DLC1: variants seen among roughly 807,000 people sequenced by gnomAD.
The protein encoded by DLC1 is DLC1 Rho GTPase activating protein, also known as rho GTPase-activating protein 7.
A neutral mutation model predicts 140.3 loss-of-function variants in DLC1; 54 were observed. The observed-to-expected ratio is 0.38, with a 90% CI of 0.31 to 0.48. DLC1 has a LOEUF of 0.48. Among genes scored for constraint, DLC1 ranks in the 20% least tolerant of loss-of-function variants. The pLI, the probability that DLC1 is intolerant of heterozygous loss-of-function variation, is 0.96. For synonymous variants in DLC1, 986 were observed against 728.1 expected (o/e 1.35, Z -5.70); for missense variants, 2,536 against 1,907.0 (o/e 1.33, Z -6.14).
At chr8:13,188,232 C>A (rs553294687) in intron 5 of DLC1, among the ~76,000 whole-genome samples, 1 of 151,482 alleles carries the variant, frequency 6.6e-6, no homozygotes, top group African/African-American at 2.4e-5. Flanking sequence ...CAGGTGCCGG[C>A]CACCATGCCC....
At chr8:13,089,137 T>G (rs1817823836) in intron 15 of DLC1, among the ~76,000 whole-genome samples, 2 of 151,796 alleles carry the variant, frequency 1.3e-5, no homozygotes, top group Non-Finnish European at 2.9e-5. Context: ...CAGGCACCTG[T>G]AAGTCCAGCT....
intron 2 of DLC1, among the ~76,000 whole-genome samples, chr8:13,435,844 A>G (rs367688078): frequency 1.3e-5 from 2 of 152,218 alleles, no homozygotes; most frequent in Non-Finnish European, 2.9e-5. Flanking sequence ...TGTGAAAGGA[A>G]GAGTCTATCA....
chr8:13,451,977 A>G (rs1799082653), intron 2 of DLC1, among the ~76,000 whole-genome samples: 1 of 152,114 alleles, frequency 6.6e-6, no homozygotes, highest in Non-Finnish European at 1.5e-5. Context: ...ACTAATTTCC[A>G]TGAACACCAA....
At chr8:13,209,105 T>A (rs1257755364) in intron 5 of DLC1, among the ~76,000 whole-genome samples, 1 of 152,178 alleles carries the variant, frequency 6.6e-6, no homozygotes, top group East Asian at 1.9e-4. Context: ...AACAAATACT[T>A]CCTTGATAAA....
chr8:13,559,350 A>G (rs967878332), intron 1 of DLC1: 1 of 152,248 alleles, frequency 6.6e-6, no homozygotes, highest in Non-Finnish European at 1.5e-5. Flanking sequence ...ACAGTCTTGC[A>G]TTCTTCAGTG....
chr8:13,085,704 T>C lies in DLC1; in HGVS notation c.*107A>G, dbSNP rs1317658377. 8 of 1,512,850 alleles carry C rather than the reference T, an allele frequency of 5.3e-6. No homozygotes were observed. The highest frequency in any genetic ancestry group is 1.4e-5 in the African/African-American group (1 of 71,454). 93.7% of individuals were successfully genotyped at this position (1,512,850 alleles called of 1,614,324 possible). A position where few individuals can be genotyped will look rare whatever the true frequency, so the allele number is the denominator to read the frequency against. On this transcript the variant is annotated 3_prime_UTR_variant, in exon 18 of 18. Coordinates refer to ENST00000276297, the MANE Select transcript of DLC1 (RefSeq NM_182643.3). ...TAGTCAATTCCTACACTCCAGCTTG[T>C]AGTTTTCTTTGTTTCAGGATTAGAC...
intron 2 of DLC1, among the ~76,000 whole-genome samples, chr8:13,420,976 C>A (rs572533210): frequency 8.5e-5 from 13 of 152,132 alleles, no homozygotes; most frequent in Non-Finnish European, 1.9e-4. Context: ...TTCTCTAAAC[C>A]CCTTACAGAT....
intron 5 of DLC1, among the ~76,000 whole-genome samples, chr8:13,142,296 T>A (rs1823063327): frequency 6.6e-6 from 1 of 152,246 alleles, no homozygotes; most frequent in Admixed American, 6.5e-5. Context: ...TGTGAAAGAC[T>A]AATATTTGAG....
chr8:13,587,134 T>G (rs879892695), intron 1 of DLC1, among the ~76,000 whole-genome samples: 1 of 148,944 alleles, frequency 6.7e-6, no homozygotes, highest in Non-Finnish European at 1.5e-5. Flanking sequence ...CCACAGATGG[T>G]GGCACATATA....
chr8:13,326,026 G>C (rs568282355), intron 4 of DLC1, among the ~76,000 whole-genome samples: 2 of 64,530 alleles, frequency 3.1e-5, no homozygotes, highest in African/African-American at 8.7e-5. Flanking sequence ...GCGCTATTTG[G>C]TTTTTCTTAT....
At chr8:13,455,541 A>T (rs1344386080) in intron 2 of DLC1, among the ~76,000 whole-genome samples, 1 of 152,062 alleles carries the variant, frequency 6.6e-6, no homozygotes, top group Non-Finnish European at 1.5e-5. Context: ...AAGACTCTAC[A>T]GCTCCTTCAC....
Position 13,456,810 on chromosome 8 carries a change from C to G in DLC1, c.1023+42239G>C, listed in dbSNP as rs1335342136. ...TTGGTTTGAATGCTGAGATCAGCTCCAAAGACAAATTCTACTACCATTGAC... is the reference window on the plus strand; with the variant it reads ...TTGGTTTGAATGCTGAGATCAGCTCGAAAGACAAATTCTACTACCATTGAC... On this transcript the variant is annotated intron_variant, in intron 2 of 17. Transcript: ENST00000276297. Among the ~76,000 whole-genome samples, 4 of 152,158 alleles carry G rather than the reference C, an allele frequency of 2.6e-5. No individual in the cohort carries two copies. In the East Asian group the frequency reaches 7.7e-4, roughly 29 times the overall value.
chr8:13,313,799 T>C (rs1249480505), intron 4 of DLC1, among the ~76,000 whole-genome samples: 1 of 152,238 alleles, frequency 6.6e-6, no homozygotes, highest in Non-Finnish European at 1.5e-5. Flanking sequence ...TTGTTTTTTT[T>C]CTTATTTTCC....
intron 2 of DLC1, among the ~76,000 whole-genome samples, chr8:13,457,345 T>C (rs1042911888): frequency 6.6e-6 from 1 of 152,148 alleles, no homozygotes; most frequent in African/African-American, 2.4e-5. Context: ...TTATTGGTAA[T>C]GCCTGGAAAA....
intron 1 of DLC1, among the ~76,000 whole-genome samples, chr8:13,506,144 G>A (rs1034360433): frequency 2.0e-5 from 3 of 152,004 alleles, no homozygotes; most frequent in Admixed American, 2.0e-4. Context: ...GAGAATACAT[G>A]TGATATATAT....
At chr8:13,153,652 CA>C (rs1249144926) in intron 5 of DLC1, among the ~76,000 whole-genome samples, 1 of 152,138 alleles carries the variant, frequency 6.6e-6, no homozygotes, top group African/African-American at 2.4e-5. Flanking sequence ...GAGCTAGACA[CA>C]GAGTGCTGAT....
intron 5 of DLC1, among the ~76,000 whole-genome samples, chr8:13,177,350 A>G (rs182493636): frequency 5.4e-4 from 82 of 152,322 alleles, no homozygotes; most frequent in African/African-American, 1.9e-3. Context: ...TTAGTTTTCT[A>G]TGTCATCTAT....
intron 2 of DLC1, among the ~76,000 whole-genome samples, chr8:13,479,382 T>A (rs1800579959): frequency 6.6e-6 from 1 of 152,162 alleles, no homozygotes; most frequent in Non-Finnish European, 1.5e-5. Flanking sequence ...AAAGGTCGCA[T>A]AATGAGTGGA....
At chr8:13,334,182 A>G (rs1312036535) in intron 4 of DLC1, among the ~76,000 whole-genome samples, 2 of 152,142 alleles carry the variant, frequency 1.3e-5, no homozygotes, top group Non-Finnish European at 2.9e-5. Context: ...ATGAATAACC[A>G]GGAGATAGCA....
Sources: allele counts gnomAD v4.1 joint callset (sites outside exome capture counted in the v4.1 genomes callset), GRCh38; gene constraint gnomAD v4.1.1; transcripts MANE v1.5; gene names NCBI Gene and HGNC (gene_info 2026-07-23, HGNC 2026-07-21).